The following ITGA8 variants were observed in gnomAD, a reference collection of about 807,000 sequenced individuals.
ITGA8 encodes integrin alpha-8.
A neutral mutation model predicts 142.3 loss-of-function variants in ITGA8; 91 were observed. The ratio of observed to expected loss-of-function variants is 0.64; its 90% CI spans 0.54 to 0.76. The LOEUF is 0.76. Among genes scored for constraint, ITGA8 ranks in the 30% least tolerant of loss-of-function variants. ITGA8 has a pLI of 0.00. For synonymous variants in ITGA8, 505 were observed against 485.2 expected, an observed-to-expected ratio of 1.04 and a Z score of -0.54; for missense variants, 1,406 against 1,327.7, an observed-to-expected ratio of 1.06 and a Z score of -0.92.
chr10:15,619,232 C>T (rs1833446253), intron 13 of ITGA8, among the ~76,000 whole-genome samples: 1 of 152,160 alleles, frequency 6.6e-6, no homozygotes, highest in African/African-American at 2.4e-5. Flanking sequence ...CTTGTTTTCT[C>T]ATCTTTGTCT....
intron 27 of ITGA8, among the ~76,000 whole-genome samples, chr10:15,540,631 G>A (rs551604748): frequency 1.8e-4 from 27 of 152,330 alleles, no homozygotes; most frequent in East Asian, 5.8e-4. Context: ...GCCAAATGTC[G>A]TAACAAACAT....
chr10:15,688,123 C>T (rs1834866347), intron 2 of ITGA8, 85 bp from the exon 3 acceptor site: 2 of 914,538 alleles, frequency 2.2e-6, no homozygotes, highest in Non-Finnish European at 3.6e-6. Context: ...ATTAAAAATA[C>T]TTGAACTAAT....
intron 2 of ITGA8, among the ~76,000 whole-genome samples, chr10:15,710,474 T>C (rs1162442562): frequency 6.6e-6 from 1 of 152,234 alleles, no homozygotes; most frequent in Admixed American, 6.5e-5. Flanking sequence ...TTCTGAAACA[T>C]GTATCCTGGT....
chr10:15,598,669 G>T (rs1341453553), intron 20 of ITGA8, among the ~76,000 whole-genome samples: 2 of 152,170 alleles, frequency 1.3e-5, no homozygotes, highest in Non-Finnish European at 2.9e-5. Flanking sequence ...AAAAGAGAAG[G>T]CTACAATGAA....
At chr10:15,630,644 GAC>G (rs1369346282) in intron 13 of ITGA8, among the ~76,000 whole-genome samples, 1 of 151,996 alleles carries the variant, frequency 6.6e-6, no homozygotes, top group Non-Finnish European at 1.5e-5. Context: ...GGCACAGAGA[GAC>G]TCTGAGGCAG....
At chr10:15,615,028 G>A (rs1032322220) in intron 14 of ITGA8, among the ~76,000 whole-genome samples, 15 of 152,330 alleles carry the variant, frequency 9.8e-5, no homozygotes, top group African/African-American at 3.6e-4. Context: ...GCAATGGAGA[G>A]TCCTTGAGCC....
chr10:15,651,569 T>C (rs1197791767), intron 11 of ITGA8, among the ~76,000 whole-genome samples: 1 of 152,108 alleles, frequency 6.6e-6, no homozygotes, highest in Non-Finnish European at 1.5e-5. Context: ...TTGGAGCTCT[T>C]TTAGGGACCT....
intron 13 of ITGA8, among the ~76,000 whole-genome samples, chr10:15,620,299 G>A (rs961277357): frequency 1.1e-5 from 1 of 89,296 alleles, no homozygotes; most frequent in African/African-American, 3.6e-5. Context: ...ATACTTGAAG[G>A]TGTTGAGATA....
intron 8 of ITGA8, among the ~76,000 whole-genome samples, chr10:15,667,356 G>T (rs949472580): frequency 1.5e-4 from 23 of 152,120 alleles, no homozygotes; most frequent in Non-Finnish European, 2.8e-4. Flanking sequence ...TGTGGTATCG[G>T]TGGTGATATC....
intron 25 of ITGA8, among the ~76,000 whole-genome samples, chr10:15,563,962 T>C (rs1449637343): frequency 6.6e-6 from 1 of 152,114 alleles, no homozygotes; most frequent in African/African-American, 2.4e-5. Flanking sequence ...GAAAACTCTT[T>C]AACTTCCGGT....
At chr10:15,547,043 A>G (rs1435389904) in intron 27 of ITGA8, among the ~76,000 whole-genome samples, 2 of 152,142 alleles carry the variant, frequency 1.3e-5, no homozygotes, top group Non-Finnish European at 2.9e-5. Flanking sequence ...TATATTTATA[A>G]CTAGACTCAA....
intron 26 of ITGA8, among the ~76,000 whole-genome samples, chr10:15,553,714 T>C (rs1465211625): frequency 6.6e-6 from 1 of 152,132 alleles, no homozygotes; most frequent in Non-Finnish European, 1.5e-5. Context: ...TAAAAAAAGT[T>C]ATCCAGCTGG....
intron 23 of ITGA8, among the ~76,000 whole-genome samples, chr10:15,583,870 A>T (rs902840410): frequency 1.3e-5 from 2 of 152,134 alleles, no homozygotes; most frequent in Non-Finnish European, 2.9e-5. Flanking sequence ...CTTTTCAAAA[A>T]CCCCACAAAC....
chr10:15,691,751 G>T (rs1485799082), intron 2 of ITGA8, among the ~76,000 whole-genome samples: 1 of 152,112 alleles, frequency 6.6e-6, no homozygotes, highest in Non-Finnish European at 1.5e-5. Context: ...AGTTTCAGTT[G>T]GGATGAGTAA....
chr10:15,541,597 A>G (rs1177580301), intron 27 of ITGA8, among the ~76,000 whole-genome samples: 3 of 152,224 alleles, frequency 2.0e-5, no homozygotes, highest in African/African-American at 7.2e-5. Context: ...CAAGCCTAAC[A>G]TTTGGCCTGA....
rs773179633 is a variant in ITGA8, at chr10:15,719,658, C to A, written c.114G>T (p.Ala38=). 107 of 1,520,212 alleles carry A rather than the reference C, an allele frequency of 7.0e-5. No homozygotes were observed. The highest frequency in any genetic ancestry group is 2.6e-6 in the Non-Finnish European group (3 of 1,144,354). The allele number at this position is 1,520,212 out of a possible 1,614,324, so 94.2% of individuals were successfully genotyped here. ...GMLLWSPACQ[A]FNLDVEKLTV... ...TGAGCTTTTCCACGTCCAGGTTGAA[C>A]GCCTGACAGGCGGGGGACCACAGCA... The change falls in exon 1 of 30, where the codon GCG becomes GCT. Residue 38 remains alanine (A), a synonymous_variant. Transcript: ENST00000378076.
At chr10:15,625,719 C>T (rs11593223) in intron 13 of ITGA8, among the ~76,000 whole-genome samples, 111 of 152,156 alleles carry the variant, frequency 7.3e-4, no homozygotes, top group Non-Finnish European at 1.3e-3. Context: ...CAGAATGTGA[C>T]TGTATTAGCC....
chr10:15,559,834 C>CGGGTGGGGGGGGGGGGGG (rs1833944496), intron 25 of ITGA8, among the ~76,000 whole-genome samples: 1 of 19,944 alleles, frequency 5.0e-5, no homozygotes, highest in Non-Finnish European at 1.1e-4. Flanking sequence ...GGTAGGGGGG[C>CGGGTGGGGGGGGGGGGGG]GGGGGGAGGG....
At chr10:15,586,534 T>G (rs45623640) in intron 23 of ITGA8, 50 bp downstream of exon 23, 1 of 1,081,852 alleles carries the variant, frequency 9.2e-7, no homozygotes, top group Non-Finnish European at 1.4e-6. Flanking sequence ...GTATTTTATC[T>G]TAACTCTACA....
Sources: gnomAD v4.1 joint callset for allele counts (sites outside exome capture counted in the v4.1 genomes callset) on GRCh38, gnomAD v4.1.1 for gene constraint, MANE v1.5 for transcripts, NCBI Gene and HGNC (gene_info 2026-07-23, HGNC 2026-07-21) for gene names.